Variants in HPCAL1 observed in about 807,000 individuals in gnomAD.
HPCAL1 encodes hippocalcin-like protein 1.
A neutral mutation model predicts 17.1 loss-of-function variants in HPCAL1; 8 were observed. The observed-to-expected ratio is 0.47, with a 90% CI of 0.27 to 0.84. The LOEUF is 0.84. Ranked by LOEUF, HPCAL1 falls within the 40% of genes least tolerant of loss-of-function variation. The probability of loss-of-function intolerance (pLI) is 0.13; values close to 1 mark genes in which losing one functional copy is unlikely to be tolerated. For missense variants in HPCAL1, 165 were observed against 271.1 expected (o/e 0.61, Z 2.75); for synonymous variants, 112 against 111.4 (o/e 1.01, Z -0.03).
At chr2:10,423,521 C>T (rs1284192749) in intron 4 of HPCAL1, 1 of 184,568 alleles carries the variant, frequency 5.4e-6, no homozygotes, top group African/African-American at 2.3e-5. Context: ...CCAGATGGCC[C>T]CAGTGTCCAA....
rs558820840 is a variant in HPCAL1, at chr2:10,427,123, C to A, written c.*302C>A. 10 of 373,844 alleles carry A rather than the reference C, an allele frequency of 2.7e-5. No homozygotes were observed. Among genetic ancestry groups the A allele is most frequent in the Middle Eastern group, 7.8e-4 (1 of 1,280 alleles). The allele number at this position is 373,844 out of a possible 1,614,324, so 23.2% of individuals were successfully genotyped here. On this transcript the variant is annotated 3_prime_UTR_variant, in exon 5 of 5. Transcript: ENST00000307845. ...CTCACGGGGAGCTCAGAGGTCCATG[C>A]CGAGGAGACCAGGCAGGACCTCCCG... is the stretch of plus-strand genomic sequence containing the variant.
rs562208942 is a variant in HPCAL1, at chr2:10,398,249, C to T, written c.-25+1329C>T. On this transcript the variant is annotated intron_variant, in intron 2 of 4. Coordinates refer to ENST00000307845, the MANE Select transcript of HPCAL1 (RefSeq NM_002149.4). ...CCCAGCCCCTGAGAGCCCTCATCAC[C>T]GACTTGCATCTGGTGAGTTTGGCAG... 8.5e-5 allele frequency among the ~76,000 whole-genome samples: 13 copies of T among 152,334 alleles called. 1 individual carries two copies. The South Asian group carries it at 1.9e-3, about 22-fold the overall frequency.
In HPCAL1 at chr2:10,312,691, A is replaced by G. The variant is rs977668621; in HGVS notation, c.-111+9514A>G. On this transcript the variant is annotated intron_variant, in intron 1 of 4. Coordinates refer to ENST00000307845, the MANE Select transcript of HPCAL1 (RefSeq NM_002149.4). ...CACCATCATCATCATCATCATCACT[A>G]TCATCCCCATCCCCATCATCATCAC... 2.6e-4 allele frequency among the ~76,000 whole-genome samples: 39 copies of G among 149,150 alleles called. 1 individual carries two copies. The highest frequency in any genetic ancestry group is 3.0e-5 in the Non-Finnish European group (2 of 67,322).
At chr2:10,303,492 T>C (rs1448158798) in intron 1 of HPCAL1, among the ~76,000 whole-genome samples, 1 of 151,936 alleles carries the variant, frequency 6.6e-6, no homozygotes, top group Non-Finnish European at 1.5e-5. Context: ...GGGTGTCGTG[T>C]GTGAGCAGCT....
Position 10,339,770 on chromosome 2 carries a change from A to G in HPCAL1, c.-111+36593A>G, listed in dbSNP as rs57304459. ...AGAGCATGTAAGATTACACAGCAAG[A>G]TTCGGAGATAGCTCGCCATGTTCAT... On this transcript the variant is annotated intron_variant, in intron 1 of 4. Coordinates refer to ENST00000307845, the MANE Select transcript of HPCAL1 (RefSeq NM_002149.4). Among the ~76,000 whole-genome samples the G allele has an allele frequency of 1.1e-3, 164 of 152,346 alleles. 1 individual carries two copies. Among genetic ancestry groups the G allele is most frequent in the African/African-American group, 3.8e-3 (157 of 41,582 alleles).
chr2:10,424,843 T>G, intron 4 of HPCAL1: 2 of 340,228 alleles, frequency 5.9e-6, no homozygotes, highest in Non-Finnish European at 1.2e-5. Flanking sequence ...CCCTGGAGTT[T>G]GCCCCAACTT....
Position 10,326,729 on chromosome 2 carries a change from CATG to C in HPCAL1, c.-111+23554_-111+23556del, listed in dbSNP as rs1035956450. The stretch of plus-strand genomic sequence containing the variant: ...CCTCAAGCTCCTCCTCAGCAGCGTT[CATG>C]AGCACAGGGTGTGGGTGTGACTGGT... On this transcript the variant is annotated intron_variant, in intron 1 of 4. Transcript: ENST00000307845. 2.4e-4 allele frequency among the ~76,000 whole-genome samples: 37 copies of C among 152,340 alleles called. 1 individual carries two copies. The highest frequency in any genetic ancestry group is 5.2e-4 in the Admixed American group (8 of 15,306).
At chr2:10,316,252 T>G (rs1663307369) in intron 1 of HPCAL1, among the ~76,000 whole-genome samples, 1 of 152,182 alleles carries the variant, frequency 6.6e-6, no homozygotes, top group Admixed American at 6.5e-5. Flanking sequence ...GCCCTGGCTT[T>G]TCCAGGAATA....
In HPCAL1 at chr2:10,339,089, G is replaced by A. The variant is rs770676392; in HGVS notation, c.-111+35912G>A. Among the ~76,000 whole-genome samples, 4 of 152,106 alleles carry A rather than the reference G, an allele frequency of 2.6e-5. No homozygotes were observed. In the East Asian group the frequency reaches 7.7e-4, roughly 29 times the overall value. ...CAGACACACATGCCAGGACTTGTTT[G>A]CACGAAGCTGAGGAATGGGTGCCCA... On this transcript the variant is annotated intron_variant, in intron 1 of 4. Coordinates refer to ENST00000307845, the MANE Select transcript of HPCAL1 (RefSeq NM_002149.4).
chr2:10,315,297 A>AG lies in HPCAL1; in HGVS notation c.-111+12120_-111+12121insG, dbSNP rs1225294365. Among the ~76,000 whole-genome samples, 6 of 152,016 alleles carry AG rather than the reference A, an allele frequency of 3.9e-5. 1 individual carries two copies. Among genetic ancestry groups the AG allele is most frequent in the Non-Finnish European group, 5.9e-5 (4 of 67,988 alleles). ...AACAGAGCGAGACTCCGTCTCAAAA[A>AG]AAAAAAAAAGAATTATGCAGACAGT... On this transcript the variant is annotated intron_variant, in intron 1 of 4. Coordinates refer to ENST00000307845, the MANE Select transcript of HPCAL1 (RefSeq NM_002149.4).
chr2:10,356,454 G>A (rs1269092599), intron 1 of HPCAL1, among the ~76,000 whole-genome samples: 3 of 152,160 alleles, frequency 2.0e-5, no homozygotes, highest in Non-Finnish European at 2.9e-5. Context: ...GTGCCAGGAC[G>A]GTGGGACTCA....
chr2:10,313,248 T>A (rs937259188), intron 1 of HPCAL1, among the ~76,000 whole-genome samples: 4 of 152,216 alleles, frequency 2.6e-5, no homozygotes, highest in Non-Finnish European at 5.9e-5. Flanking sequence ...GGAGGACAAA[T>A]TCTGGCTGGA....
chr2:10,327,655 T>C (rs1411428102), intron 1 of HPCAL1, among the ~76,000 whole-genome samples: 2 of 152,228 alleles, frequency 1.3e-5, no homozygotes, highest in Non-Finnish European at 2.9e-5. Flanking sequence ...TTTTTTTTTC[T>C]GATTTGGTAT....
intron 1 of HPCAL1, among the ~76,000 whole-genome samples, chr2:10,325,023 G>A (rs1663920691): frequency 6.6e-6 from 1 of 150,514 alleles, no homozygotes; most frequent in Non-Finnish European, 1.5e-5. Flanking sequence ...AGTAGAGACA[G>A]GGTTTCTCCA....
chr2:10,305,061 G>A (rs1662535338), intron 1 of HPCAL1, among the ~76,000 whole-genome samples: 1 of 152,186 alleles, frequency 6.6e-6, no homozygotes, highest in Non-Finnish European at 1.5e-5. Flanking sequence ...TGGCAGGCCA[G>A]GGGGATGCGA....
In HPCAL1 at chr2:10,330,624, G is replaced by A. The variant is rs560558467; in HGVS notation, c.-111+27447G>A. 6.6e-6 allele frequency among the ~76,000 whole-genome samples: 1 copy of A among 152,244 alleles called. No homozygotes were observed. The highest frequency in any genetic ancestry group is 1.9e-4 in the East Asian group (1 of 5,172). On this transcript the variant is annotated intron_variant, in intron 1 of 4. Transcript: ENST00000307845. The surrounding 1 kb of genome is among the most constrained non-coding windows in gnomAD (Gnocchi z 4.2). ...TCCCTCCGAGTGTGTCTGAGTCCCA[G>A]TCTCCTTGTGAGGACACCAGCCCTA... is the stretch of plus-strand genomic sequence containing the variant.
At chr2:10,315,713 G>A (rs1423789590) in intron 1 of HPCAL1, among the ~76,000 whole-genome samples, 1 of 152,112 alleles carries the variant, frequency 6.6e-6, no homozygotes. Context: ...AGGACATAAA[G>A]AAAAACATTC....
At chr2:10,400,751 G>A (rs558781076) in intron 2 of HPCAL1, among the ~76,000 whole-genome samples, 11 of 150,568 alleles carry the variant, frequency 7.3e-5, no homozygotes, top group East Asian at 3.9e-4. Context: ...CTGCACACAC[G>A]TACACACCCA....
At position 10,427,073 on chromosome 2, in the gene HPCAL1, G is replaced by A; in HGVS notation, c.*252G>A. ...ATGTGGTGACATGCAGGGTTCAAGTGTTCTTGGTTCCAGGCACCTCCCGGC... is the reference window on the plus strand; with the variant it reads ...ATGTGGTGACATGCAGGGTTCAAGTATTCTTGGTTCCAGGCACCTCCCGGC... On this transcript the variant is annotated 3_prime_UTR_variant, in exon 5 of 5. Coordinates refer to ENST00000307845, the MANE Select transcript of HPCAL1 (RefSeq NM_002149.4). 2.0e-6 allele frequency: 1 copy of A among 503,700 alleles called. No homozygotes were observed. Among genetic ancestry groups the A allele is most frequent in the South Asian group, 2.2e-5 (1 of 45,654 alleles). The allele number at this position is 503,700 out of a possible 1,614,324, so 31.2% of individuals were successfully genotyped here. A position where few individuals can be genotyped will look rare whatever the true frequency, so the allele number is the denominator to read the frequency against.
Sources: allele counts gnomAD v4.1 joint callset (sites outside exome capture counted in the v4.1 genomes callset), GRCh38; gene constraint gnomAD v4.1.1; non-coding constraint Gnocchi (gnomAD v3.1); transcripts MANE v1.5; gene names NCBI Gene and HGNC (gene_info 2026-07-23, HGNC 2026-07-21).